Variants in HMCN1 observed in about 807,000 individuals in gnomAD.
The protein encoded by HMCN1 is hemicentin 1, also known as hemicentin-1.
HMCN1 carries 321 observed loss-of-function variants against 625.9 expected under a neutral mutation model. The ratio of observed to expected loss-of-function variants is 0.51; its 90% CI spans 0.47 to 0.56. The LOEUF is 0.56. HMCN1 is among the 20% of genes least tolerant of loss of function. The pLI is 0.00. For missense variants in HMCN1, 6,588 were observed against 6,887.3 expected (o/e 0.96, Z 1.54); for synonymous variants, 2,425 against 2,417.6 (o/e 1.00, Z -0.09).
chr1:186,066,835 A>C (rs1227666766), intron 49 of HMCN1, among the ~76,000 whole-genome samples: 1 of 151,978 alleles, frequency 6.6e-6, no homozygotes. Context: ...TCCTTACTTC[A>C]CTGCTTGTGT....
At chr1:185,829,279 AT>A (rs987463180) in intron 1 of HMCN1, among the ~76,000 whole-genome samples, 9 of 147,698 alleles carry the variant, frequency 6.1e-5, no homozygotes, top group East Asian at 2.0e-4. Context: ...ACTTTGTTTC[AT>A]TTTTTTTTTC....
chr1:186,125,987 T>C (rs1289269220), intron 82 of HMCN1, among the ~76,000 whole-genome samples, 193 bp downstream of exon 82: 12 of 152,152 alleles, frequency 7.9e-5, no homozygotes. Context: ...CGATAGGAAC[T>C]CATAAATGCC....
At chr1:186,115,207 G>A (rs989660979) in intron 74 of HMCN1, 51 bp from the exon 75 acceptor site, 4 of 1,600,648 alleles carry the variant, frequency 2.5e-6, no homozygotes, top group Non-Finnish European at 3.4e-6. Flanking sequence ...ATTTCAAATG[G>A]CACGCTATTT....
intron 36 of HMCN1, among the ~76,000 whole-genome samples, chr1:186,027,172 T>C (rs1050969216): frequency 1.3e-5 from 2 of 152,172 alleles, no homozygotes; most frequent in African/African-American, 4.8e-5. Context: ...GACCACGTCA[T>C]GATCAAGAAA....
At chr1:185,818,689 A>T (rs771870286) in intron 1 of HMCN1, among the ~76,000 whole-genome samples, 3 of 152,116 alleles carry the variant, frequency 2.0e-5, no homozygotes, top group Non-Finnish European at 4.4e-5. Context: ...TATATTTTTC[A>T]TAAGAATTAA....
intron 62 of HMCN1, 128 bp downstream of exon 62, chr1:186,088,404 A>G (rs2102404692): frequency 6.9e-7 from 1 of 1,445,504 alleles, no homozygotes; most frequent in Non-Finnish European, 9.5e-7. Context: ...AGGCTAACGC[A>G]CTGAAATACA....
Position 186,002,693 on chromosome 1 carries a change from T to G in HMCN1, c.4348+952T>G, listed in dbSNP as rs1044437570. ...CCAGTTCAGACTTCTTCCCTGAGCC[T>G]AGGGATATATAGCTAATTTTCTCCA... On this transcript the variant is annotated intron_variant, in intron 28 of 106. Coordinates refer to ENST00000271588, the MANE Select transcript of HMCN1 (RefSeq NM_031935.3). 4.6e-5 allele frequency among the ~76,000 whole-genome samples: 7 copies of G among 152,202 alleles called. No individual in the cohort carries two copies. The East Asian group carries it at 1.4e-3, about 29-fold the overall frequency.
At chr1:185,823,280 A>T (rs1314190694) in intron 1 of HMCN1, among the ~76,000 whole-genome samples, 1 of 152,170 alleles carries the variant, frequency 6.6e-6, no homozygotes, top group Non-Finnish European at 1.5e-5. Context: ...CTGGAAAAAG[A>T]TAGTTCTTTT....
At chr1:185,991,851 T>C (rs7538079) in intron 22 of HMCN1, among the ~76,000 whole-genome samples, 2,691 of 152,242 alleles carry the variant, frequency 0.018, 82 homozygotes, top group African/African-American at 0.062. Context: ...TTATAGGCAT[T>C]GCTAAATTGC....
intron 30 of HMCN1, among the ~76,000 whole-genome samples, chr1:186,013,365 G>A (rs1029724095): frequency 2.0e-5 from 3 of 152,248 alleles, no homozygotes; most frequent in Admixed American, 6.5e-5. Context: ...GTTGATTGAC[G>A]CTGATATTTA....
intron 11 of HMCN1, among the ~76,000 whole-genome samples, chr1:185,945,259 C>T (rs182409950): frequency 6.6e-6 from 1 of 152,130 alleles, no homozygotes; most frequent in Non-Finnish European, 1.5e-5. Flanking sequence ...TATGCTATGC[C>T]CCTAGGCACT....
chr1:186,171,774 G>T (rs1408159222), intron 101 of HMCN1, among the ~76,000 whole-genome samples: 1 of 152,010 alleles, frequency 6.6e-6, no homozygotes, highest in Non-Finnish European at 1.5e-5. Flanking sequence ...AGGAGAAAAT[G>T]ATTGGTATGG....
chr1:185,832,457 G>A (rs1254888298), intron 1 of HMCN1, among the ~76,000 whole-genome samples: 3 of 151,994 alleles, frequency 2.0e-5, no homozygotes, highest in Admixed American at 2.0e-4. Context: ...TGAGCATGAA[G>A]GTAAAGATTA....
At chr1:185,946,586 C>T (rs1490686533) in intron 11 of HMCN1, among the ~76,000 whole-genome samples, 4 of 152,146 alleles carry the variant, frequency 2.6e-5, no homozygotes, top group African/African-American at 9.7e-5. Flanking sequence ...AAAGAAAAGG[C>T]TGTGTGATAA....
intron 1 of HMCN1, among the ~76,000 whole-genome samples, chr1:185,782,208 C>G (rs1462432249): frequency 2.0e-5 from 3 of 152,140 alleles, no homozygotes; most frequent in Admixed American, 6.5e-5. Flanking sequence ...GGTAGATCTT[C>G]CTCCATCCCT....
In HMCN1 at chr1:186,080,302, C is replaced by T. The variant is rs140460670; in HGVS notation, c.8600-905C>T. On this transcript the variant is annotated intron_variant, in intron 55 of 106. Transcript: ENST00000271588. ...ACAAGATAGCATCTACATCAACTTGCAGTCTTCACTGATTGCTAAAGATAA... is the reference window on the plus strand; with the variant it reads ...ACAAGATAGCATCTACATCAACTTGTAGTCTTCACTGATTGCTAAAGATAA... Among the ~76,000 whole-genome samples the T allele has an allele frequency of 3.1e-3, 479 of 152,250 alleles. 4 individuals carry two copies. The highest frequency in any genetic ancestry group is 7.1e-3 in the East Asian group (37 of 5,178).
At chr1:185,775,249 A>G (rs1363362799) in intron 1 of HMCN1, among the ~76,000 whole-genome samples, 1 of 152,168 alleles carries the variant, frequency 6.6e-6, no homozygotes, top group Non-Finnish European at 1.5e-5. Flanking sequence ...AAGAAAAGAA[A>G]TAATCCAGCC....
intron 11 of HMCN1, among the ~76,000 whole-genome samples, chr1:185,947,920 C>G (rs1449326663): frequency 1.3e-5 from 2 of 152,166 alleles, no homozygotes; most frequent in Non-Finnish European, 2.9e-5. Context: ...AAAGTTAGCA[C>G]TAGAACTTGC....
At chr1:185,789,179 G>A (rs893784458) in intron 1 of HMCN1, among the ~76,000 whole-genome samples, 5 of 152,114 alleles carry the variant, frequency 3.3e-5, no homozygotes, top group Admixed American at 6.5e-5. Flanking sequence ...AATGTGACTC[G>A]ACAGACATCT....
Sources: gnomAD v4.1 joint callset for allele counts (sites outside exome capture counted in the v4.1 genomes callset) on GRCh38, gnomAD v4.1.1 for gene constraint, MANE v1.5 for transcripts, NCBI Gene and HGNC (gene_info 2026-07-23, HGNC 2026-07-21) for gene names.